TEN1: variants seen among roughly 807,000 people sequenced by gnomAD.
TEN1 encodes the protein TEN1 subunit of CST complex, also known as CST complex subunit TEN1.
In TEN1, 6 loss-of-function variants were observed where a neutral mutation model predicts 9.3. That is an observed-to-expected ratio of 0.65 (90% CI 0.35 to 1.27). TEN1 has a LOEUF of 1.27. Ranked by LOEUF, TEN1 falls within the 50% of genes most tolerant of loss-of-function variation. The probability of loss-of-function intolerance (pLI) is 0.03; values close to 1 mark genes in which losing one functional copy is unlikely to be tolerated. For synonymous variants in TEN1, 65 were observed against 65.6 expected (o/e 0.99, Z 0.04); for missense variants, 149 against 158.2 (o/e 0.94, Z 0.31).
At chr17:75,985,160 T>C (rs1397020511) in intron 1 of TEN1, 1 of 152,164 alleles carries the variant, frequency 6.6e-6, no homozygotes, top group East Asian at 1.9e-4. Flanking sequence ...GGTTTATTAT[T>C]ATTTTGAGAC....
chr17:75,981,112 T>C (rs1468445216), intron 1 of TEN1, among the ~76,000 whole-genome samples: 1 of 152,222 alleles, frequency 6.6e-6, no homozygotes, highest in Non-Finnish European at 1.5e-5. Flanking sequence ...TGCTGAGTTT[T>C]TATTTTGAAA....
intron 2 of TEN1, 112 bp downstream of exon 2, chr17:75,986,396 T>A: frequency 9.4e-7 from 1 of 1,061,884 alleles, no homozygotes; most frequent in Non-Finnish European, 1.3e-6. Flanking sequence ...CTAATTATGT[T>A]AAAATACTAA....
At chr17:75,996,401 C>A (rs2066217990) in intron 3 of TEN1, among the ~76,000 whole-genome samples, 1 of 152,090 alleles carries the variant, frequency 6.6e-6, no homozygotes, top group African/African-American at 2.4e-5. Flanking sequence ...AGGAGAATCG[C>A]TTGAAACTGG....
intron 2 of TEN1, among the ~76,000 whole-genome samples, chr17:75,986,705 AAATAAT>A (rs2066154595): frequency 6.6e-6 from 1 of 151,438 alleles, no homozygotes; most frequent in Non-Finnish European, 1.5e-5. Flanking sequence ...CTGTCTCAAA[AAATAAT>A]AATAATAAAT....
At chr17:75,992,536 G>A (rs12946112) in intron 3 of TEN1, among the ~76,000 whole-genome samples, 8,241 of 150,098 alleles carry the variant, frequency 0.055, 234 homozygotes, top group Middle Eastern at 0.14. Flanking sequence ...TTTTTGAGAC[G>A]GAGTCTTGCT....
intron 3 of TEN1, among the ~76,000 whole-genome samples, chr17:75,998,229 G>C (rs185447815): frequency 2.3e-4 from 34 of 145,760 alleles, no homozygotes; most frequent in Middle Eastern, 3.7e-3. Context: ...GTGCAGTGGC[G>C]CAATCTTGGC....
At chr17:75,995,909 G>T (rs1028305328) in intron 3 of TEN1, among the ~76,000 whole-genome samples, 1 of 151,950 alleles carries the variant, frequency 6.6e-6, no homozygotes, top group Non-Finnish European at 1.5e-5. Context: ...CCTGGGCAAC[G>T]CAGAGAGACG....
chr17:75,984,974 TG>T (rs1419761770), intron 1 of TEN1: 1 of 151,874 alleles, frequency 6.6e-6, no homozygotes, highest in Non-Finnish European at 1.5e-5. Context: ...CAAGGCGCGG[TG>T]GCTCATGCCT....
At chr17:75,993,129 C>T (rs1401820846) in intron 3 of TEN1, among the ~76,000 whole-genome samples, 3 of 130,498 alleles carry the variant, frequency 2.3e-5, no homozygotes, top group African/African-American at 5.5e-5. Context: ...TTTTTTGAGA[C>T]GGAGTGTCGC....
intron 3 of TEN1, among the ~76,000 whole-genome samples, chr17:75,998,440 G>T (rs777148373): frequency 7.2e-5 from 11 of 151,996 alleles, no homozygotes; most frequent in Non-Finnish European, 1.5e-4. Flanking sequence ...GAGCCACCGC[G>T]CCACGCCCCG....
chr17:75,993,499 C>T (rs2066200014), intron 3 of TEN1, among the ~76,000 whole-genome samples: 1 of 152,174 alleles, frequency 6.6e-6, no homozygotes, highest in Non-Finnish European at 1.5e-5. Flanking sequence ...AATAAAAAAT[C>T]CAGGCAACAG....
chr17:75,981,386 T>A (rs1338479662), intron 1 of TEN1, among the ~76,000 whole-genome samples: 3 of 151,974 alleles, frequency 2.0e-5, no homozygotes, highest in African/African-American at 7.2e-5. Context: ...AGGGTTTCAC[T>A]ATGTTGACCA....
At chr17:75,982,771 C>T (rs979950826) in intron 1 of TEN1, among the ~76,000 whole-genome samples, 7 of 151,544 alleles carry the variant, frequency 4.6e-5, no homozygotes, top group African/African-American at 1.7e-4. Flanking sequence ...AGTGCAGTGG[C>T]ATGATCTCGG....
At chr17:75,988,561 CAAAAAAAAAAA>C (rs1189354019) in intron 2 of TEN1, among the ~76,000 whole-genome samples, 2 of 28,988 alleles carry the variant, frequency 6.9e-5, no homozygotes, top group Non-Finnish European at 6.0e-5. Flanking sequence ...GATCCTGCCT[CAAAAAAAAAAA>C]AAAAAAAAAA....
rs538173027 is a variant in TEN1, at chr17:76,000,495, C to T, written c.*233C>T. 3.5e-5 allele frequency: 21 copies of T among 597,016 alleles called. No homozygotes were observed. The highest frequency in any genetic ancestry group is 3.3e-4 in the South Asian group (13 of 39,382). The allele number at this position is 597,016 out of a possible 1,614,324, so 37.0% of individuals were successfully genotyped here. A position where few individuals can be genotyped will look rare whatever the true frequency, so the allele number is the denominator to read the frequency against. On this transcript the variant is annotated 3_prime_UTR_variant, in exon 4 of 4. Transcript: ENST00000397640. This position sits in a 1 kb window ranked among gnomAD's most constrained non-coding sequence, Gnocchi z 5.9. ...CCCACCCCAGGAGACTGCAGGTGGC[C>T]GAGCTTGGGCGCCGGGGCCGTGCTT...
At chr17:75,988,771 A>C (rs896766396) in intron 2 of TEN1, among the ~76,000 whole-genome samples, 3 of 151,628 alleles carry the variant, frequency 2.0e-5, no homozygotes, top group African/African-American at 7.3e-5. Flanking sequence ...TTACTTAGCC[A>C]AGTCTTTTGT....
At chr17:75,993,885 AC>A (rs2066202470) in intron 3 of TEN1, among the ~76,000 whole-genome samples, 1 of 152,118 alleles carries the variant, frequency 6.6e-6, no homozygotes, top group Non-Finnish European at 1.5e-5. Context: ...AGTCCCAGCT[AC>A]TCAGGAGGCT....
At chr17:75,991,733 G>T (rs748117869) in intron 3 of TEN1, 110 bp downstream of exon 3, 13 of 1,298,506 alleles carry the variant, frequency 1.0e-5, no homozygotes, top group Non-Finnish European at 1.3e-5. Context: ...GTCTCATCAG[G>T]GTTAATGTTT....
chr17:75,999,510 T>G (rs1236689550), intron 3 of TEN1, among the ~76,000 whole-genome samples: 1 of 151,974 alleles, frequency 6.6e-6, no homozygotes, highest in Non-Finnish European at 1.5e-5. Flanking sequence ...ACGCGGCTAA[T>G]TTTTGTATTT....
Sources: allele counts gnomAD v4.1 joint callset (sites outside exome capture counted in the v4.1 genomes callset), GRCh38; gene constraint gnomAD v4.1.1; non-coding constraint Gnocchi (gnomAD v3.1); transcripts MANE v1.5; gene names NCBI Gene and HGNC (gene_info 2026-07-23, HGNC 2026-07-21).